Variants in CASR observed in about 807,000 individuals in gnomAD.
CASR encodes the protein extracellular calcium-sensing receptor.
In CASR, 23 loss-of-function variants were observed where a neutral mutation model predicts 69.1. That is an observed-to-expected ratio of 0.33 (90% CI 0.24 to 0.47). CASR has a LOEUF of 0.47. CASR is among the 20% of genes least tolerant of loss of function. CASR has a pLI of 1.00. For synonymous variants in CASR, 541 were observed against 544.7 expected (o/e 0.99, Z 0.10); for missense variants, 924 against 1,356.1 (o/e 0.68, Z 5.00).
chr3:122,201,453 C>T (rs1403106766), intron 1 of CASR, among the ~76,000 whole-genome samples: 1 of 152,270 alleles, frequency 6.6e-6, no homozygotes, highest in Non-Finnish European at 1.5e-5. Flanking sequence ...CCCCACCTTT[C>T]CCCCTTTTCT....
intron 1 of CASR, among the ~76,000 whole-genome samples, chr3:122,200,989 C>CTTTTGTTTTTTT (rs1356688507): frequency 7.8e-5 from 6 of 76,726 alleles, no homozygotes; most frequent in Non-Finnish European, 1.1e-4. Context: ...TTGCCCATTG[C>CTTTTGTTTTTTT]TTTTCTTTTT....
intron 1 of CASR, among the ~76,000 whole-genome samples, chr3:122,244,681 A>G (rs1376086658): frequency 1.3e-5 from 2 of 152,142 alleles, no homozygotes; most frequent in Non-Finnish European, 2.9e-5. Context: ...TGCTGGTTAC[A>G]TGAATGTTTA....
Position 122,262,270 on chromosome 3 carries a change from C to T in CASR, c.1235C>T (p.Thr412Met), listed in dbSNP as rs1473520699. ...GTCGAGACCCCTTACATAGATTACA[C>T]GCATTTACGGATATCCTACAATGTG... ...SSVETPYIDY[T>M]HLRISYNVYL... The change falls in exon 4 of 7, where the codon ACG (threonine) becomes ATG (methionine). Residue 412 changes from threonine (T) to methionine (M), a missense_variant. Thr to Met is a moderately conservative substitution (Grantham distance 81). Coordinates refer to ENST00000639785, the MANE Select transcript of CASR (RefSeq NM_000388.4). 4.3e-6 allele frequency: 7 copies of T among 1,614,064 alleles called. No individual in the cohort carries two copies. Among genetic ancestry groups the T allele is most frequent in the African/African-American group, 2.7e-5 (2 of 74,926 alleles).
chr3:122,206,633 A>C (rs1423027659), intron 1 of CASR, among the ~76,000 whole-genome samples: 1 of 151,750 alleles, frequency 6.6e-6, no homozygotes, highest in Admixed American at 6.6e-5. Context: ...ATTTTTTTGA[A>C]GTGTTTGGGT....
chr3:122,264,259 G>A (rs1205842174), intron 4 of CASR, among the ~76,000 whole-genome samples: 1 of 152,206 alleles, frequency 6.6e-6, no homozygotes, highest in Non-Finnish European at 1.5e-5. Context: ...TCCAGGTACA[G>A]CTAGGTATTT....
intron 5 of CASR, among the ~76,000 whole-genome samples, chr3:122,276,540 G>A (rs1439965351): frequency 6.6e-6 from 1 of 152,260 alleles, no homozygotes; most frequent in East Asian, 1.9e-4. Context: ...ACATGACAAA[G>A]AATTGATCCC....
intron 1 of CASR, among the ~76,000 whole-genome samples, chr3:122,219,106 A>G (rs1397247308): frequency 6.6e-6 from 1 of 152,210 alleles, no homozygotes; most frequent in East Asian, 1.9e-4. Context: ...GTCATACTGA[A>G]GATTTTGGAT....
rs3966037 is a variant in CASR at position 122,288,033 on chromosome 3, T to C, written c.*2842T>C. On this transcript the variant is annotated 3_prime_UTR_variant, in exon 7 of 7. Transcript: ENST00000639785. Reference sequence around the variant, plus strand: ...TAGAACCTATGGCTATGTTGTTACATGGCAAGGGTGAATTAAAGTATAGTG... The same window carrying C: ...TAGAACCTATGGCTATGTTGTTACACGGCAAGGGTGAATTAAAGTATAGTG... 140,068 of 152,288 alleles carry C rather than the reference T, an allele frequency of 0.92. 64,721 individuals are homozygous for C. The highest frequency in any genetic ancestry group is 0.98 in the East Asian group (5,092 of 5,192). 9.4% of individuals were successfully genotyped at this position (152,288 alleles called of 1,614,324 possible).
intron 1 of CASR, among the ~76,000 whole-genome samples, chr3:122,200,998 T>TC (rs2073943696): frequency 3.1e-5 from 2 of 63,728 alleles, no homozygotes; most frequent in Admixed American, 1.4e-4. Flanking sequence ...GCTTTTCTTT[T>TC]TTTTTTATTT....
Position 122,283,806 on chromosome 3 carries a change from C to T in CASR, c.1852C>T (p.Leu618Phe). 6.2e-7 allele frequency: 1 copy of T among 1,614,168 alleles called. No homozygotes were observed. The highest frequency in any genetic ancestry group is 8.5e-7 in the Non-Finnish European group (1 of 1,180,028). The stretch of plus-strand genomic sequence containing the variant: ...GGAGCCCTTTGGGATCGCACTCACC[C>T]TCTTTGCCGTGCTGGGCATTTTCCT... ...WTEPFGIALT[L>F]FAVLGIFLTA... is the part of the protein sequence containing the mutation. The change falls in exon 7 of 7, where the codon CTC becomes TTC. Residue 618 changes from leucine to phenylalanine, a missense_variant. Around this residue, in one of 8 missense-constraint regions of CASR, gnomAD observed 184 missense variants for 278.8 expected, o/e 0.66. Transcript: ENST00000639785.
chr3:122,220,239 TC>T (rs2074157348), intron 1 of CASR, among the ~76,000 whole-genome samples: 1 of 152,236 alleles, frequency 6.6e-6, no homozygotes, highest in Admixed American at 6.5e-5. Context: ...GCATACCTCT[TC>T]CTGAAACTTG....
Position 122,186,938 on chromosome 3 carries a change from T to A in CASR, c.-243+3126T>A, listed in dbSNP as rs574936841. On this transcript the variant is annotated intron_variant, in intron 1 of 6. Transcript: ENST00000639785. ...TGGCACTTTGGGAAAGAATGCTTTG[T>A]TATCACAGTATCAGTTGCATTGTCT... 2.5e-4 allele frequency among the ~76,000 whole-genome samples: 38 copies of A among 152,382 alleles called. No individual in the cohort carries two copies. The South Asian group carries it at 6.4e-3, about 26-fold the overall frequency.
chr3:122,185,271 C>T (rs574008043), intron 1 of CASR, among the ~76,000 whole-genome samples: 2 of 152,338 alleles, frequency 1.3e-5, no homozygotes, highest in South Asian at 2.1e-4. Flanking sequence ...GCCTTTCCCA[C>T]TCTACGTGTT....
intron 3 of CASR, chr3:122,257,667 A>G: frequency 3.0e-6 from 1 of 337,160 alleles, no homozygotes; most frequent in South Asian, 6.0e-5. Context: ...TTTATTTCCC[A>G]CTCTATTCCT....
chr3:122,190,644 G>A (rs1279259896), intron 1 of CASR, among the ~76,000 whole-genome samples: 1 of 152,208 alleles, frequency 6.6e-6, no homozygotes, highest in African/African-American at 2.4e-5. Context: ...ATTCAACACT[G>A]AAACTCCAGA....
chr3:122,273,356 T>C (rs1206828311), intron 4 of CASR, among the ~76,000 whole-genome samples: 2 of 152,148 alleles, frequency 1.3e-5, no homozygotes, highest in Non-Finnish European at 2.9e-5. Context: ...TTTCATCATC[T>C]AGAAAATGAA....
intron 6 of CASR, among the ~76,000 whole-genome samples, chr3:122,283,305 C>A (rs2074915550): frequency 6.6e-6 from 1 of 152,172 alleles, no homozygotes; most frequent in South Asian, 2.1e-4. Flanking sequence ...ATAAATCAGG[C>A]TAAGCTTGAA....
rs1466988129 is a variant in CASR, at chr3:122,287,187, C to T, written c.*1996C>T. On this transcript the variant is annotated 3_prime_UTR_variant, in exon 7 of 7. Coordinates refer to ENST00000639785, the MANE Select transcript of CASR (RefSeq NM_000388.4). ...TTCAAAATAACTATGAGGGAACAGC[C>T]TCAACAGAATGTGACATACTTCTCC... is the stretch of plus-strand genomic sequence containing the variant. 1 of 152,218 alleles carries T rather than the reference C, an allele frequency of 6.6e-6. No homozygotes were observed. Among genetic ancestry groups the T allele is most frequent in the Admixed American group, 6.5e-5 (1 of 15,286 alleles). The allele number at this position is 152,218 out of a possible 1,614,324, so 9.4% of individuals were successfully genotyped here. A position where few individuals can be genotyped will look rare whatever the true frequency, so the allele number is the denominator to read the frequency against.
At chr3:122,278,855 A>C (rs942220250) in intron 5 of CASR, among the ~76,000 whole-genome samples, 2 of 152,242 alleles carry the variant, frequency 1.3e-5, no homozygotes, top group East Asian at 3.8e-4. Flanking sequence ...GAAGAGAAAA[A>C]GAGGCAAGGC....
Sources: gnomAD v4.1 joint callset for allele counts (sites outside exome capture counted in the v4.1 genomes callset) on GRCh38, gnomAD v4.1.1 for gene constraint, gnomAD v4.1.1 regional missense constraint, MANE v1.5 for transcripts, NCBI Gene and HGNC (gene_info 2026-07-23, HGNC 2026-07-21) for gene names.